Variants in PRC1 observed in about 807,000 individuals in gnomAD.
The protein encoded by PRC1 is protein regulator of cytokinesis 1.
In PRC1, 54 loss-of-function variants were observed where a neutral mutation model predicts 91.2. The observed-to-expected ratio is 0.59, with a 90% confidence interval of 0.48 to 0.74. The LOEUF is 0.74. PRC1 is among the 30% of genes least tolerant of loss of function. The pLI, the probability that PRC1 is intolerant of heterozygous loss-of-function variation, is 0.00. For missense variants in PRC1, 727 were observed against 746.2 expected, an observed-to-expected ratio of 0.97 and a Z score of 0.30; for synonymous variants, 275 against 263.6, an observed-to-expected ratio of 1.04 and a Z score of -0.42.
At chr15:90,978,861 C>G (rs758413903) in intron 8 of PRC1, among the ~76,000 whole-genome samples, 3 of 151,820 alleles carry the variant, frequency 2.0e-5, no homozygotes, top group African/African-American at 7.3e-5. Flanking sequence ...CGCCCTGAGC[C>G]GGAGAAGCCT....
rs1287859337 is a variant in PRC1 at position 90,967,122 on chromosome 15, C to G, written c.*9G>C. 3.1e-6 allele frequency: 5 copies of G among 1,611,940 alleles called. No homozygotes were observed. Among genetic ancestry groups the G allele is most frequent in the Non-Finnish European group, 4.2e-6 (5 of 1,177,988 alleles). ...AGGAAGCCACAGCTGGTTGACTGAT[C>G]AGGGCTTCTCAGGACTGGATGTTGG... On this transcript the variant is annotated 3_prime_UTR_variant, in exon 15 of 15. Transcript: ENST00000394249.
Position 90,967,180 on chromosome 15 carries a change from T to C in PRC1, c.1814A>G (p.Lys605Arg). 1 of 1,614,094 alleles carries C rather than the reference T, an allele frequency of 6.2e-7. No individual in the cohort carries two copies. ...GAGGATTCCAGAAGTAGCATCAGAT[T>C]TGGAAGCCTTTGAAAGTTCTCGCTG... ...GLQRELSKAS[K>R]SDATSGILNS... The change falls in exon 15 of 15, where the codon AAA becomes AGA. Residue 605 changes from lysine (K) to arginine (R), a missense_variant. Transcript: ENST00000394249.
chr15:90,971,936 G>A (rs1256983714), intron 11 of PRC1, among the ~76,000 whole-genome samples: 1 of 152,150 alleles, frequency 6.6e-6, no homozygotes, highest in Non-Finnish European at 1.5e-5. Flanking sequence ...GCTGAGGCAC[G>A]AGAATCACTT....
At chr15:90,967,456 G>C (rs915139172) in intron 14 of PRC1, 3 of 520,500 alleles carry the variant, frequency 5.8e-6, no homozygotes, top group Non-Finnish European at 1.0e-5. Flanking sequence ...ACACCTCACA[G>C]AAGAGAAATC....
At chr15:90,982,335 G>T (rs1391478248) in intron 3 of PRC1, among the ~76,000 whole-genome samples, 2 of 152,200 alleles carry the variant, frequency 1.3e-5, no homozygotes, top group African/African-American at 4.8e-5. Context: ...TTGCAAAAGT[G>T]AAACTTCATA....
rs59521744 is a variant in PRC1, at chr15:90,966,926, T to A, written c.*205A>T. On this transcript the variant is annotated 3_prime_UTR_variant, in exon 15 of 15. Coordinates refer to ENST00000394249, the MANE Select transcript of PRC1 (RefSeq NM_003981.4). ...GCCATAAACTTTTCATGTATATAAGTCAAAACCAAGTCTCCTAGGACCACT... is the reference window on the plus strand; with the variant it reads ...GCCATAAACTTTTCATGTATATAAGACAAAACCAAGTCTCCTAGGACCACT... The A allele has an allele frequency of 5.1e-3, 3,019 of 591,014 alleles. 72 individuals carry two copies. The African/African-American group carries it at 0.051, about 10-fold the overall frequency. 36.6% of individuals were successfully genotyped at this position (591,014 alleles called of 1,614,324 possible).
Position 90,980,898 on chromosome 15 carries a change from T to C in PRC1, c.808A>G (p.Lys270Glu). 1 of 1,614,230 alleles carries C rather than the reference T, an allele frequency of 6.2e-7. No individual in the cohort carries two copies. The highest frequency in any genetic ancestry group is 8.5e-7 in the Non-Finnish European group (1 of 1,180,032). ...VATIMSGSKA[K>E]VRKALQLEVD... is the part of the protein sequence containing the mutation. Reference sequence around the variant, plus strand: ...GGGTTTCTTACCGCTTTCCGGACCTTGGCCTTTGACCCAGACATAATGGTG... The same window carrying C: ...GGGTTTCTTACCGCTTTCCGGACCTCGGCCTTTGACCCAGACATAATGGTG... Residue 270 changes from lysine (K) to glutamate (E), a missense_variant, in exon 6 of 15, where the codon AAG (lysine) becomes GAG (glutamate). By Grantham distance (56) the Lys-to-Glu change is moderately conservative. Transcript: ENST00000394249.
chr15:90,982,060 G>A (rs562868324), intron 3 of PRC1, 79 bp from the exon 4 acceptor site: 32 of 1,287,182 alleles, frequency 2.5e-5, no homozygotes, highest in Middle Eastern at 2.0e-4. Flanking sequence ...ATAAGAAGGC[G>A]TGGATGACAG....
chr15:90,990,392 T>TA (rs2039903492), intron 1 of PRC1, among the ~76,000 whole-genome samples: 1 of 52,424 alleles, frequency 1.9e-5, no homozygotes, highest in African/African-American at 4.4e-4. Flanking sequence ...AAATAAATAA[T>TA]TTTTTTTTTT....
In PRC1 at chr15:90,976,727, A is replaced by G. The variant is rs1371876968; in HGVS notation, c.1152T>C (p.Asn384=). The G allele has an allele frequency of 1.2e-6, 2 of 1,613,696 alleles. No individual in the cohort carries two copies. The highest frequency in any genetic ancestry group is 1.7e-6 in the Non-Finnish European group (2 of 1,179,790). ...DPNRFTNRGG[N]LLKEEKQRAK... ...CTCGTTGTTTTTCTTCTTTTAGAAG[A>G]TTTCCTCCTCGGTTTGTAAATCGAT... Residue 384 remains asparagine, a synonymous_variant, in exon 9 of 15, where the codon AAT becomes AAC. Coordinates refer to ENST00000394249, the MANE Select transcript of PRC1 (RefSeq NM_003981.4).
intron 11 of PRC1, among the ~76,000 whole-genome samples, chr15:90,971,278 T>C (rs1003921953): frequency 1.3e-5 from 2 of 152,202 alleles, no homozygotes; most frequent in African/African-American, 4.8e-5. Context: ...TATTATATGC[T>C]AATGATAAGA....
intron 1 of PRC1, 46 bp downstream of exon 1, chr15:90,994,361 A>C: frequency 1.2e-6 from 2 of 1,611,650 alleles, no homozygotes; most frequent in South Asian, 1.1e-5. Flanking sequence ...AGCCGAAACG[A>C]GCGTCGCTCC....
At chr15:90,975,683 G>A (rs1025098886) in intron 9 of PRC1, among the ~76,000 whole-genome samples, 8 of 152,080 alleles carry the variant, frequency 5.3e-5, no homozygotes, top group Non-Finnish European at 8.8e-5. Context: ...TGGAGACAGC[G>A]TCTTTAAAAA....
chr15:90,991,063 C>T (rs1380742233), intron 1 of PRC1, among the ~76,000 whole-genome samples: 2 of 151,900 alleles, frequency 1.3e-5, no homozygotes, highest in East Asian at 3.9e-4. Flanking sequence ...AGGCGTGAGC[C>T]ACTGTGCCCG....
rs756855455 is a variant in PRC1 at position 90,981,649 on chromosome 15, A to C, written c.522T>G (p.Phe174Leu). ...RETKASRREE[F>L]VSIKRQIILC... is the part of the protein sequence containing the mutation. ...GTATGATCTGTCTCTTTATACTGAC[A>C]AACTCCTCACGCCTAGAAGCCTTTA... The change falls in exon 5 of 15, where the codon TTT becomes TTG. Residue 174 changes from phenylalanine to leucine, a missense_variant. Transcript: ENST00000394249. 4.3e-6 allele frequency: 7 copies of C among 1,614,018 alleles called. No individual in the cohort carries two copies. In the African/African-American group the frequency reaches 9.3e-5, roughly 22 times the overall value.
rs1486329907 is a variant in PRC1 at position 90,970,506 on chromosome 15, A to G, written c.1470T>C (p.Thr490=). The G allele has an allele frequency of 1.9e-6, 3 of 1,610,618 alleles. No individual in the cohort carries two copies. Among genetic ancestry groups the G allele is most frequent in the Non-Finnish European group, 2.5e-6 (3 of 1,176,912 alleles). Residue 490 remains threonine, a synonymous_variant, in exon 12 of 15, where the codon ACT becomes ACC. Transcript: ENST00000394249. ...TGGCCGTAGCATTGGACATGGTGGT[A>G]GTGTTCAGCTAGGGAGAAGAGCACG... is the stretch of plus-strand genomic sequence containing the variant. The part of the protein sequence containing the change: ...NTPGKARKLN[T]TTMSNATANS...
At chr15:90,968,170 A>C (rs908927297) in intron 14 of PRC1, 1 of 985,376 alleles carries the variant, frequency 1.0e-6, no homozygotes, top group African/African-American at 1.7e-5. Flanking sequence ...TAAGCCTCAG[A>C]TAAAATGGGC....
Position 90,984,943 on chromosome 15 carries a change from G to C in PRC1, c.12-118C>G. On this transcript the variant is annotated intron_variant, in intron 1 of 14. Transcript: ENST00000394249. This position sits in a 1 kb window ranked among gnomAD's most constrained non-coding sequence, Gnocchi z 5.1. ...AGTGGCCTCGAGAAAAAAACAAATT[G>C]AAAACAAGCATTCAGCTTAATTCAC... 1 of 1,295,392 alleles carries C rather than the reference G, an allele frequency of 7.7e-7. No homozygotes were observed. Among genetic ancestry groups the C allele is most frequent in the East Asian group, 2.3e-5 (1 of 42,596 alleles). 80.2% of individuals were successfully genotyped at this position (1,295,392 alleles called of 1,614,324 possible). A position where few individuals can be genotyped will look rare whatever the true frequency, so the allele number is the denominator to read the frequency against.
chr15:90,969,366 T>G, intron 13 of PRC1, 81 bp downstream of exon 13: 4 of 1,481,328 alleles, frequency 2.7e-6, no homozygotes, highest in Non-Finnish European at 3.7e-6. Flanking sequence ...GCTAATAGCC[T>G]GGGTGCCCCT....
Sources: gnomAD v4.1 joint callset for allele counts (sites outside exome capture counted in the v4.1 genomes callset) on GRCh38, gnomAD v4.1.1 for gene constraint, Gnocchi (gnomAD v3.1) non-coding constraint, MANE v1.5 for transcripts, NCBI Gene and HGNC (gene_info 2026-07-23, HGNC 2026-07-21) for gene names.